The following CYB5R3 variants were observed in gnomAD, a reference collection of about 807,000 sequenced individuals.
CYB5R3 encodes the protein cytochrome b5 reductase 3.
In CYB5R3, 28 loss-of-function variants were observed where a neutral mutation model predicts 36.5. The ratio of observed to expected loss-of-function variants is 0.77; its 90% CI spans 0.57 to 1.05. The LOEUF (loss-of-function observed/expected upper bound fraction) is 1.05, where lower values mean the gene tolerates loss of function less well. CYB5R3 is among the 50% of genes least tolerant of loss of function. The pLI is 0.00. For missense variants in CYB5R3, 474 were observed against 408.9 expected (o/e 1.16, Z -1.37); for synonymous variants, 181 against 159.8 (o/e 1.13, Z -1.00).
At chr22:42,640,239 G>A (rs6519327) in intron 1 of CYB5R3, 195,956 of 1,583,058 alleles carry the variant, frequency 0.12, 18,020 homozygotes, top group East Asian at 0.57. Flanking sequence ...CCAGTGCTGG[G>A]GTCTTCTCCA....
chr22:42,641,211 T>C (rs191229157), intron 1 of CYB5R3, among the ~76,000 whole-genome samples: 254 of 152,334 alleles, frequency 1.7e-3, no homozygotes, highest in Non-Finnish European at 2.8e-3. Flanking sequence ...AAAAATATAG[T>C]ATATAATACA....
chr22:42,638,119 G>A (rs948571421), intron 1 of CYB5R3, among the ~76,000 whole-genome samples: 5 of 152,090 alleles, frequency 3.3e-5, no homozygotes, highest in African/African-American at 1.2e-4. Context: ...TTGTAGGCCC[G>A]GTGCAGTGGC....
At chr22:42,633,544 G>A (rs534541940) in intron 2 of CYB5R3, among the ~76,000 whole-genome samples, 1 of 152,344 alleles carries the variant, frequency 6.6e-6, no homozygotes, top group East Asian at 1.9e-4. Context: ...CAGCACTTTG[G>A]GAGGTCGAGG....
Position 42,627,414 on chromosome 22 carries a change from G to A in CYB5R3, c.548-25C>T, listed in dbSNP as rs777926602. The A allele has an allele frequency of 3.6e-5, 58 of 1,610,244 alleles. 2 individuals are homozygous for A. Among genetic ancestry groups the A allele is most frequent in the Admixed American group, 3.5e-4 (21 of 59,850 alleles). ...CCTGCAAAATAGCCGGCCGGGCCTC[G>A]CACGTGCTGAGCGAGGCCTGTTCAC... On this transcript the variant is annotated intron_variant, in intron 6 of 8. Coordinates refer to ENST00000352397, the MANE Select transcript of CYB5R3 (RefSeq NM_000398.7).
At chr22:42,647,650 T>G (rs191374987) in intron 1 of CYB5R3, among the ~76,000 whole-genome samples, 1 of 148,756 alleles carries the variant, frequency 6.7e-6, no homozygotes, top group African/African-American at 2.5e-5. Context: ...GCCCAGGAAG[T>G]GGAGGTTGCA....
At chr22:42,627,809 C>T (rs1468924824) in intron 5 of CYB5R3, 121 bp from the exon 6 acceptor site, 3 of 796,718 alleles carry the variant, frequency 3.8e-6, no homozygotes, top group African/African-American at 3.4e-5. Context: ...AGGCAGCTGC[C>T]ATTCTAACGC....
At position 42,619,804 on chromosome 22, in the gene CYB5R3, C is replaced by T. The variant is rs121965016; in HGVS notation, c.875G>A (p.Gly292Asp). The T allele has an allele frequency of 4.0e-5, 64 of 1,596,054 alleles. No homozygotes were observed. The highest frequency in any genetic ancestry group is 5.2e-5 in the Non-Finnish European group (61 of 1,173,622). ...GACGAAGCAGCGCTCCGTGGGGTGG[C>T]CCACGTGGTCCAGGTTGGGAAGGCA... ...YACLPNLDHV[G>D]HPTERCFVF Residue 292 changes from glycine to aspartate, a missense_variant, in exon 9 of 9, where the codon GGC becomes GAC. Gly to Asp is a moderately conservative substitution (Grantham distance 94). Transcript: ENST00000352397.
In CYB5R3 at chr22:42,627,701, A is replaced by C. The variant is rs761474189; in HGVS notation, c.464-13T>G. 4 of 1,596,544 alleles carry C rather than the reference A, an allele frequency of 2.5e-6. No homozygotes were observed. In the Admixed American group the frequency reaches 5.0e-5, roughly 20 times the overall value. ...ATGGCGAACTTCCCTGGGGAGAGAG[A>C]AGGGGTGAGGCCCGGCCATCAAACA... On this transcript the variant is annotated splice_polypyrimidine_tract_variant and intron_variant, in intron 5 of 8. Coordinates refer to ENST00000352397, the MANE Select transcript of CYB5R3 (RefSeq NM_000398.7).
chr22:42,636,885 G>A, intron 1 of CYB5R3, 39 bp from the exon 2 acceptor site: 3 of 1,605,530 alleles, frequency 1.9e-6, no homozygotes, highest in Non-Finnish European at 1.7e-6. Flanking sequence ...GCAGGAGCCT[G>A]CCTTTCCCCA....
intron 6 of CYB5R3, 24 bp downstream of exon 6, chr22:42,627,581 G>A (rs372773009): frequency 8.7e-6 from 14 of 1,600,902 alleles, no homozygotes; most frequent in African/African-American, 4.0e-5. Flanking sequence ...GCCGCCGGAC[G>A]CCTCAGTGGG....
intron 1 of CYB5R3, among the ~76,000 whole-genome samples, chr22:42,646,370 G>A (rs529345100): frequency 6.6e-6 from 1 of 152,244 alleles, no homozygotes; most frequent in African/African-American, 2.4e-5. Flanking sequence ...CAGAGGGGAA[G>A]AGGGACACAG....
At chr22:42,649,166 C>G in intron 1 of CYB5R3, 129 bp downstream of exon 1, 2 of 277,544 alleles carry the variant, frequency 7.2e-6, no homozygotes, top group Non-Finnish European at 1.1e-5. Flanking sequence ...GCGGGCTGGG[C>G]GGGCGAAGTG....
chr22:42,620,307 G>C (rs978649052), intron 8 of CYB5R3, among the ~76,000 whole-genome samples: 3 of 152,146 alleles, frequency 2.0e-5, no homozygotes, highest in Admixed American at 2.0e-4. Context: ...ACCCAGAGTT[G>C]AGTTGCTCAA....
Position 42,649,330 on chromosome 22 carries a change from G to C in CYB5R3, c.-15C>G. ...TGGGCCCCCATGGTGGCCCCGCGCCGCGCTCGCTCTGTCGCCGCCGCCGCC... is the reference window on the plus strand; with the variant it reads ...TGGGCCCCCATGGTGGCCCCGCGCCCCGCTCGCTCTGTCGCCGCCGCCGCC... On this transcript the variant is annotated 5_prime_UTR_variant, in exon 1 of 9. Transcript: ENST00000352397. The C allele has an allele frequency of 9.9e-7, 1 of 1,010,224 alleles. No homozygotes were observed. Among genetic ancestry groups the C allele is most frequent in the Admixed American group, 5.0e-5 (1 of 20,090 alleles). 62.6% of individuals were successfully genotyped at this position (1,010,224 alleles called of 1,614,324 possible).
Position 42,636,705 on chromosome 22 carries a change from C to T in CYB5R3, c.153+10G>A, listed in dbSNP as rs760426630. The T allele has an allele frequency of 6.2e-6, 10 of 1,609,970 alleles. No individual in the cohort carries two copies. In the Admixed American group the frequency reaches 1.0e-4, roughly 16 times the overall value. ...ATGCTGACGAGGCAGCGGCGGCGGCCGGCACTCACCTCCCGGTCGATGAGC... is the reference window on the plus strand; with the variant it reads ...ATGCTGACGAGGCAGCGGCGGCGGCTGGCACTCACCTCCCGGTCGATGAGC... On this transcript the variant is annotated intron_variant, in intron 2 of 8. Coordinates refer to ENST00000352397, the MANE Select transcript of CYB5R3 (RefSeq NM_000398.7).
chr22:42,620,885 A>G (rs1235690081), intron 8 of CYB5R3, among the ~76,000 whole-genome samples: 1 of 152,150 alleles, frequency 6.6e-6, no homozygotes, highest in Non-Finnish European at 1.5e-5. Context: ...GCAAGCGTAC[A>G]TTATAGTCCG....
intron 4 of CYB5R3, among the ~76,000 whole-genome samples, chr22:42,629,944 C>A (rs2267454): frequency 6.6e-6 from 1 of 151,626 alleles, no homozygotes; most frequent in East Asian, 1.9e-4. Flanking sequence ...ATTACAGGTG[C>A]GCACCACCAT....
intron 1 of CYB5R3, among the ~76,000 whole-genome samples, chr22:42,641,430 C>A (rs559934806): frequency 2.8e-4 from 42 of 152,264 alleles, no homozygotes; most frequent in African/African-American, 9.9e-4. Context: ...CCTCAACCTC[C>A]CAAGTAGCTG....
chr22:42,644,020 C>T (rs897981621), intron 1 of CYB5R3, among the ~76,000 whole-genome samples: 1 of 152,034 alleles, frequency 6.6e-6, no homozygotes, highest in Non-Finnish European at 1.5e-5. Flanking sequence ...GTGACCTGCC[C>T]GGAGTACACC....
Sources: gnomAD v4.1 joint callset for allele counts (sites outside exome capture counted in the v4.1 genomes callset) on GRCh38, gnomAD v4.1.1 for gene constraint, MANE v1.5 for transcripts, NCBI Gene and HGNC (gene_info 2026-07-23, HGNC 2026-07-21) for gene names.